The following CTNND2 variants were observed in gnomAD, a reference collection of about 807,000 sequenced individuals.
CTNND2 encodes the protein catenin delta-2.
In CTNND2, 22 loss-of-function variants were observed where a neutral mutation model predicts 144.4. The observed-to-expected ratio is 0.15, with a 90% CI of 0.11 to 0.22. The LOEUF is 0.22. Among genes scored for constraint, CTNND2 ranks in the 10% least tolerant of loss-of-function variants. The pLI, the probability that CTNND2 is intolerant of heterozygous loss-of-function variation, is 1.00. For synonymous variants in CTNND2, 751 were observed against 695.6 expected (o/e 1.08, Z -1.25); for missense variants, 1,353 against 1,618.8 (o/e 0.84, Z 2.82).
intron 9 of CTNND2, among the ~76,000 whole-genome samples, chr5:11,250,956 C>G (rs1160327268): frequency 6.6e-6 from 1 of 152,150 alleles, no homozygotes; most frequent in African/African-American, 2.4e-5. Flanking sequence ...ATCTTTTTCA[C>G]TAATTAAGAA....
chr5:11,507,305 G>T (rs1254628835), intron 3 of CTNND2, among the ~76,000 whole-genome samples: 3 of 152,158 alleles, frequency 2.0e-5, no homozygotes, highest in Admixed American at 1.3e-4. Context: ...AGTAAGCTAA[G>T]AGAACAGGCC....
At chr5:11,869,098 G>A (rs557231455) in intron 1 of CTNND2, among the ~76,000 whole-genome samples, 65 of 152,208 alleles carry the variant, frequency 4.3e-4, no homozygotes, top group Middle Eastern at 3.4e-3. Flanking sequence ...TGGAAAATAC[G>A]TGTTGGTGAA....
intron 15 of CTNND2, 36 bp downstream of exon 15, chr5:11,098,539 T>G: frequency 6.4e-7 from 1 of 1,573,566 alleles, no homozygotes; most frequent in Non-Finnish European, 8.6e-7. Context: ...TGCTCATAAC[T>G]CCAGATTTCT....
At chr5:11,184,917 T>C (rs944691359) in intron 11 of CTNND2, among the ~76,000 whole-genome samples, 1 of 152,166 alleles carries the variant, frequency 6.6e-6, no homozygotes, top group Non-Finnish European at 1.5e-5. Context: ...TCGGACTCAA[T>C]GCAAGGAGAG....
chr5:11,372,061 G>A (rs938635511), intron 7 of CTNND2, among the ~76,000 whole-genome samples: 14 of 152,108 alleles, frequency 9.2e-5, no homozygotes, highest in Admixed American at 1.3e-4. Flanking sequence ...CTCTGGCAGC[G>A]TACAAAACAC....
intron 1 of CTNND2, among the ~76,000 whole-genome samples, chr5:11,823,358 T>A (rs1309910805): frequency 2.0e-5 from 3 of 152,200 alleles, no homozygotes; most frequent in African/African-American, 7.2e-5. Context: ...CTACAGTCAA[T>A]CACGAATTGT....
intron 9 of CTNND2, among the ~76,000 whole-genome samples, chr5:11,240,523 A>AAC (rs201546785): frequency 9.8e-6 from 1 of 102,268 alleles, no homozygotes; most frequent in Non-Finnish European, 1.9e-5. Flanking sequence ...ACACACACCC[A>AAC]ACACACACAC....
At chr5:11,608,989 C>G (rs1780191521) in intron 2 of CTNND2, among the ~76,000 whole-genome samples, 1 of 152,134 alleles carries the variant, frequency 6.6e-6, no homozygotes, top group Admixed American at 6.6e-5. Flanking sequence ...TTCCTCAGAT[C>G]CATGAAGCAA....
chr5:11,796,994 T>TA (rs1791438720), intron 1 of CTNND2, among the ~76,000 whole-genome samples: 1 of 152,220 alleles, frequency 6.6e-6, no homozygotes, highest in South Asian at 2.1e-4. Flanking sequence ...AACACTGGAT[T>TA]GTGTTTACAT....
chr5:11,405,508 G>A (rs1761017404), intron 5 of CTNND2, among the ~76,000 whole-genome samples: 2 of 152,004 alleles, frequency 1.3e-5, no homozygotes, highest in South Asian at 4.2e-4. Context: ...CTTGAACCCA[G>A]GAGATAGACG....
intron 11 of CTNND2, among the ~76,000 whole-genome samples, chr5:11,183,987 C>T (rs945177147): frequency 1.3e-5 from 2 of 152,196 alleles, no homozygotes; most frequent in African/African-American, 2.4e-5. Context: ...TAAAATTAAA[C>T]ATCTGCTTCA....
Position 11,904,003 on chromosome 5 carries a change from G to C in CTNND2, c.-150C>G. 4 of 927,572 alleles carry C rather than the reference G, an allele frequency of 4.3e-6. No homozygotes were observed. The highest frequency in any genetic ancestry group is 5.6e-6 in the Non-Finnish European group (4 of 715,108). 57.5% of individuals were successfully genotyped at this position (927,572 alleles called of 1,614,324 possible). On this transcript the variant is annotated 5_prime_UTR_variant, in exon 1 of 22. Coordinates refer to ENST00000304623, the MANE Select transcript of CTNND2 (RefSeq NM_001332.4). This position sits in a 1 kb window ranked among gnomAD's most constrained non-coding sequence, Gnocchi z 4.2. Reference sequence around the variant, plus strand: ...CGCGGGACAAGGGATGCTGGCGGGCGGCAGGGGCGAGCGCCGCGGGCGAGA... The same window carrying C: ...CGCGGGACAAGGGATGCTGGCGGGCCGCAGGGGCGAGCGCCGCGGGCGAGA...
At chr5:11,370,338 A>G (rs1757354226) in intron 7 of CTNND2, among the ~76,000 whole-genome samples, 1 of 152,188 alleles carries the variant, frequency 6.6e-6, no homozygotes, top group African/African-American at 2.4e-5. Flanking sequence ...GGGATGCATC[A>G]ATGCACATTT....
rs1459810197 is a variant in CTNND2 at position 11,768,026 on chromosome 5, A to T, written c.38-35754T>A. 2.6e-5 allele frequency among the ~76,000 whole-genome samples: 4 copies of T among 152,324 alleles called. No homozygotes were observed. In the East Asian group the frequency reaches 5.8e-4, roughly 22 times the overall value. On this transcript the variant is annotated intron_variant, in intron 1 of 21. Transcript: ENST00000304623. Reference sequence around the variant, plus strand: ...AACAACAAACTCCTTCATTTCCACTAATAATCCAAAATGGGAGTTGACCTG... The same window carrying T: ...AACAACAAACTCCTTCATTTCCACTTATAATCCAAAATGGGAGTTGACCTG...
At chr5:11,081,086 A>ACACACACACACACACACTCT (rs1193451731) in intron 16 of CTNND2, among the ~76,000 whole-genome samples, 6 of 148,396 alleles carry the variant, frequency 4.0e-5, no homozygotes, top group South Asian at 4.5e-4. Flanking sequence ...ACACACACAC[A>ACACACACACACACACACTCT]CACACACACA....
chr5:11,190,142 T>C (rs1426546017), intron 11 of CTNND2, among the ~76,000 whole-genome samples: 2 of 152,260 alleles, frequency 1.3e-5, no homozygotes, highest in African/African-American at 4.8e-5. Flanking sequence ...CTGCCCATCA[T>C]TGATCCATCA....
At chr5:11,775,054 G>A (rs764339359) in intron 1 of CTNND2, among the ~76,000 whole-genome samples, 23 of 151,782 alleles carry the variant, frequency 1.5e-4, no homozygotes, top group African/African-American at 3.1e-4. Context: ...AGAGCTGGGC[G>A]GGGGGGCGGT....
intron 2 of CTNND2, among the ~76,000 whole-genome samples, chr5:11,705,561 TTAA>T (rs995839124): frequency 4.6e-5 from 7 of 151,924 alleles, no homozygotes; most frequent in African/African-American, 1.7e-4. Flanking sequence ...GAGAGAGGGG[TTAA>T]TGTGACGCTT....
At chr5:11,127,058 G>T (rs796857398) in intron 12 of CTNND2, among the ~76,000 whole-genome samples, 1 of 152,210 alleles carries the variant, frequency 6.6e-6, no homozygotes, top group Non-Finnish European at 1.5e-5. Context: ...GGGTCTGCAG[G>T]CTCCAACCAA....
Sources: allele counts gnomAD v4.1 joint callset (sites outside exome capture counted in the v4.1 genomes callset), GRCh38; gene constraint gnomAD v4.1.1; non-coding constraint Gnocchi (gnomAD v3.1); transcripts MANE v1.5; gene names NCBI Gene and HGNC (gene_info 2026-07-23, HGNC 2026-07-21).